PCDHGB5: variants seen among roughly 807,000 people sequenced by gnomAD.
PCDHGB5 encodes the protein protocadherin gamma subfamily B, 5.
In PCDHGB5, 48 loss-of-function variants were observed where a neutral mutation model predicts 62.9. That is an observed-to-expected ratio of 0.76 (90% CI 0.61 to 0.97). The LOEUF (loss-of-function observed/expected upper bound fraction) is 0.97, where lower values mean the gene tolerates loss of function less well. Among genes scored for constraint, PCDHGB5 ranks in the 50% least tolerant of loss-of-function variants. PCDHGB5 has a pLI of 0.00. For synonymous variants in PCDHGB5, 474 were observed against 511.2 expected, an observed-to-expected ratio of 0.93 and a Z score of 0.98; for missense variants, 1,118 against 1,198.6, an observed-to-expected ratio of 0.93 and a Z score of 0.99.
rs933089146 is a variant in PCDHGB5, at chr5:141,490,786, A to G, written c.2398-4021A>G. ...GTATGTCAACCCAGAGGATGGACGGATCTTTGCCCAGCGTACCTTTGACTA... is the reference window on the plus strand; with the variant it reads ...GTATGTCAACCCAGAGGATGGACGGGTCTTTGCCCAGCGTACCTTTGACTA... On this transcript the variant is annotated intron_variant, in intron 1 of 3. Coordinates refer to ENST00000617380, the MANE Select transcript of PCDHGB5 (RefSeq NM_018925.3). This position sits in a 1 kb window ranked among gnomAD's most constrained non-coding sequence, Gnocchi z 5.4. The G allele has an allele frequency of 1.9e-6, 3 of 1,614,056 alleles. No individual in the cohort carries two copies. The highest frequency in any genetic ancestry group is 1.7e-5 in the Admixed American group (1 of 60,016).
chr5:141,398,962 T>A lies in PCDHGB5; in HGVS notation c.835T>A (p.Tyr279Asn), dbSNP rs568248356. ...CGAGGGCATCAACTCAGAAATTACT[T>A]ATTCCTTCTACAGAACCGGGCAAAT... ...QDEGINSEIT[Y>N]SFYRTGQIFS... The change falls in exon 1 of 4, where the codon TAT becomes AAT. Residue 279 changes from tyrosine to asparagine, a missense_variant. Coordinates refer to ENST00000617380, the MANE Select transcript of PCDHGB5 (RefSeq NM_018925.3). The A allele has an allele frequency of 2.6e-5, 42 of 1,613,934 alleles. No individual in the cohort carries two copies. Among genetic ancestry groups the A allele is most frequent in the Middle Eastern group, 3.3e-4 (2 of 6,062 alleles).
intron 1 of PCDHGB5, chr5:141,426,496 G>A: frequency 3.0e-6 from 1 of 337,022 alleles, no homozygotes; most frequent in South Asian, 2.4e-5. Flanking sequence ...AGTTAGTGCA[G>A]AGAAACAATA....
intron 1 of PCDHGB5, chr5:141,422,628 C>A: frequency 6.2e-7 from 1 of 1,613,410 alleles, no homozygotes; most frequent in Non-Finnish European, 8.5e-7. Context: ...AAAACAACCC[C>A]AGGGGTGCCT....
At chr5:141,402,854 C>T (rs1589466051) in intron 1 of PCDHGB5, 2 of 1,423,530 alleles carry the variant, frequency 1.4e-6, no homozygotes, top group East Asian at 2.5e-5. Flanking sequence ...CCTCTTTCTT[C>T]TAAGGAAAAG....
chr5:141,483,904 T>A (rs11750647), intron 1 of PCDHGB5, among the ~76,000 whole-genome samples: 24,531 of 151,676 alleles, frequency 0.16, 2,105 homozygotes, highest in African/African-American at 0.21. Context: ...CTCTGGTGTG[T>A]TTCCCACTCA....
chr5:141,501,290 T>C lies in PCDHGB5; in HGVS notation c.2457-4103T>C, dbSNP rs796726601. Among the ~76,000 whole-genome samples, 19 of 136,248 alleles carry C rather than the reference T, an allele frequency of 1.4e-4. No individual in the cohort carries two copies. The South Asian group carries it at 2.4e-3, about 17-fold the overall frequency. 89.4% of individuals were successfully genotyped at this position (136,248 alleles called of 152,430 possible). ...GTCCAGTCTATGGGATATTCCCTTA[T>C]ACACACACACACACACACACACACA... On this transcript the variant is annotated intron_variant, in intron 2 of 3. Coordinates refer to ENST00000617380, the MANE Select transcript of PCDHGB5 (RefSeq NM_018925.3).
In PCDHGB5 at chr5:141,496,208, G is replaced by T. The variant is rs530974273; in HGVS notation, c.2456+1343G>T. On this transcript the variant is annotated intron_variant, in intron 2 of 3. Coordinates refer to ENST00000617380, the MANE Select transcript of PCDHGB5 (RefSeq NM_018925.3). Reference sequence around the variant, plus strand: ...CCAGCTGCTCATTTCAATCTGGTATGAATTCCTGCTGAGACAGGAACCCCC... The same window carrying T: ...CCAGCTGCTCATTTCAATCTGGTATTAATTCCTGCTGAGACAGGAACCCCC... Among the ~76,000 whole-genome samples, 13 of 152,222 alleles carry T rather than the reference G, an allele frequency of 8.5e-5. No homozygotes were observed. In the East Asian group the frequency reaches 2.3e-3, roughly 27 times the overall value.
chr5:141,481,151 G>A (rs1326614212), intron 1 of PCDHGB5, among the ~76,000 whole-genome samples: 1 of 152,198 alleles, frequency 6.6e-6, no homozygotes, highest in African/African-American at 2.4e-5. Context: ...TGTTATTCTG[G>A]TATTTGCAGA....
Position 141,491,944 on chromosome 5 carries a change from C to T in PCDHGB5, c.2398-2863C>T, listed in dbSNP as rs1245968796. ...CGAGGGGAGGTGGGACCGACCCCCACCCCTACACTCAAAAAAGGCCGGGGC... is the reference window on the plus strand; with the variant it reads ...CGAGGGGAGGTGGGACCGACCCCCATCCCTACACTCAAAAAAGGCCGGGGC... On this transcript the variant is annotated intron_variant, in intron 1 of 3. Transcript: ENST00000617380. This position sits in a 1 kb window ranked among gnomAD's most constrained non-coding sequence, Gnocchi z 6.9. The T allele has an allele frequency of 1.8e-6, 2 of 1,120,156 alleles. No individual in the cohort carries two copies. Among genetic ancestry groups the T allele is most frequent in the Non-Finnish European group, 2.4e-6 (2 of 822,072 alleles). The allele number at this position is 1,120,156 out of a possible 1,614,324, so 69.4% of individuals were successfully genotyped here. A position where few individuals can be genotyped will look rare whatever the true frequency, so the allele number is the denominator to read the frequency against.
intron 1 of PCDHGB5, chr5:141,404,696 G>T: frequency 6.2e-7 from 1 of 1,614,104 alleles, no homozygotes; most frequent in South Asian, 1.1e-5. Flanking sequence ...ACCCCGCTCT[G>T]CAGAGCCTGG....
rs137901127 is a variant in PCDHGB5 at position 141,436,420 on chromosome 5, A to G, written c.2397+35896A>G. 1.4e-3 allele frequency among the ~76,000 whole-genome samples: 213 copies of G among 152,326 alleles called. 1 individual carries two copies. The highest frequency in any genetic ancestry group is 4.8e-3 in the African/African-American group (199 of 41,594). ...AGTTGTTGAATGAATGGATAAACAA[A>G]TAATGTACTCTGGGGATTACCTGAT... On this transcript the variant is annotated intron_variant, in intron 1 of 3. Coordinates refer to ENST00000617380, the MANE Select transcript of PCDHGB5 (RefSeq NM_018925.3).
chr5:141,470,658 G>T lies in PCDHGB5; in HGVS notation c.2398-24149G>T, dbSNP rs527415532. Among the ~76,000 whole-genome samples the T allele has an allele frequency of 4.7e-3, 721 of 152,024 alleles. 9 individuals carry two copies. The highest frequency in any genetic ancestry group is 6.7e-3 in the Non-Finnish European group (452 of 67,944). On this transcript the variant is annotated intron_variant, in intron 1 of 3. Transcript: ENST00000617380. ...CTTGCTTTGAAGGCCCCTACCCTTT[G>T]GTTAGGGCTCTGCTGTTACCATCTT... is the stretch of plus-strand genomic sequence containing the variant.
intron 2 of PCDHGB5, among the ~76,000 whole-genome samples, chr5:141,501,821 G>A (rs910825533): frequency 1.3e-5 from 2 of 152,028 alleles, no homozygotes; most frequent in Non-Finnish European, 2.9e-5. Context: ...ATAATTGGCA[G>A]CCCACCCACC....
At chr5:141,430,331 T>C (rs1266364984) in intron 1 of PCDHGB5, among the ~76,000 whole-genome samples, 2 of 150,984 alleles carry the variant, frequency 1.3e-5, no homozygotes, top group Non-Finnish European at 2.9e-5. Context: ...TCATTGTTTA[T>C]AGAAACTTCC....
intron 1 of PCDHGB5, chr5:141,420,969 A>G (rs2096536141): frequency 2.3e-6 from 1 of 443,064 alleles, no homozygotes; most frequent in Admixed American, 4.0e-5. Flanking sequence ...TTGCAATAAT[A>G]AGAATGGGCT....
intron 1 of PCDHGB5, among the ~76,000 whole-genome samples, chr5:141,425,103 A>G (rs894147422): frequency 1.3e-5 from 2 of 152,202 alleles, no homozygotes; most frequent in Non-Finnish European, 2.9e-5. Flanking sequence ...CTTCCAACAG[A>G]TGCCTACATT....
At chr5:141,417,875 G>C (rs2096176700) in intron 1 of PCDHGB5, 2 of 1,556,360 alleles carry the variant, frequency 1.3e-6, no homozygotes, top group Non-Finnish European at 1.7e-6. Context: ...AGGGAGCTGC[G>C]CGCAGAGGCG....
intron 1 of PCDHGB5, among the ~76,000 whole-genome samples, chr5:141,461,151 C>A (rs1424467673): frequency 6.6e-6 from 1 of 152,022 alleles, no homozygotes; most frequent in African/African-American, 2.4e-5. Context: ...TGGGTAGATA[C>A]CCAATAGTGG....
At chr5:141,507,563 G>A (rs2099861587) in intron 3 of PCDHGB5, among the ~76,000 whole-genome samples, 1 of 152,222 alleles carries the variant, frequency 6.6e-6, no homozygotes, top group Non-Finnish European at 1.5e-5. Flanking sequence ...CAGGCGGCTG[G>A]GTCTGAGGAG....
Sources: allele counts gnomAD v4.1 joint callset (sites outside exome capture counted in the v4.1 genomes callset), GRCh38; gene constraint gnomAD v4.1.1; non-coding constraint Gnocchi (gnomAD v3.1); transcripts MANE v1.5; gene names NCBI Gene and HGNC (gene_info 2026-07-23, HGNC 2026-07-21).